The following SAMD12 variants were observed in gnomAD, a reference collection of about 807,000 sequenced individuals.
SAMD12 encodes sterile alpha motif domain-containing protein 12.
Under a neutral mutation model 15.0 loss-of-function variants are expected in SAMD12, and 9 were observed. The observed-to-expected ratio is 0.60, with a 90% confidence interval of 0.36 to 1.05. SAMD12 has a LOEUF of 1.05. Ranked by LOEUF, SAMD12 falls within the 50% of genes least tolerant of loss-of-function variation. The pLI, the probability that SAMD12 is intolerant of heterozygous loss-of-function variation, is 0.01. For synonymous variants in SAMD12, 86 were observed against 90.1 expected (o/e 0.96, Z 0.25); for missense variants, 230 against 234.2 (o/e 0.98, Z 0.12).
chr8:118,611,602 T>A (rs183011681), intron 1 of SAMD12, among the ~76,000 whole-genome samples: 1 of 152,278 alleles, frequency 6.6e-6, no homozygotes, highest in Non-Finnish European at 1.5e-5. Flanking sequence ...ACAAAGTACA[T>A]CTGTGGGAGC....
chr8:118,567,366 T>A (rs1826880462), intron 2 of SAMD12, among the ~76,000 whole-genome samples: 1 of 152,142 alleles, frequency 6.6e-6, no homozygotes, highest in African/African-American at 2.4e-5. Flanking sequence ...CATCCATGTG[T>A]TCTAGTTCTG....
chr8:118,174,290 C>T, the SAMD12 span, among the ~76,000 whole-genome samples: 1 of 152,174 alleles, frequency 6.6e-6, no homozygotes, highest in African/African-American at 2.4e-5. Flanking sequence ...TGAAGGCTCC[C>T]TGTTTTTGCA....
At chr8:118,583,585 C>A (rs1827349245) in intron 1 of SAMD12, among the ~76,000 whole-genome samples, 5 of 152,090 alleles carry the variant, frequency 3.3e-5, no homozygotes. Flanking sequence ...TCCCCTATCA[C>A]CTCCCCACCA....
chr8:118,189,193 T>C (rs1488630251), downstream of SAMD12, among the ~76,000 whole-genome samples: 3 of 152,126 alleles, frequency 2.0e-5, no homozygotes, highest in Non-Finnish European at 4.4e-5. Flanking sequence ...GCAATTATGC[T>C]GGTGGGATTT....
Position 118,502,045 on chromosome 8 carries a change from C to T in SAMD12, c.193-62084G>A, listed in dbSNP as rs1181216068. On this transcript the variant is annotated intron_variant, in intron 2 of 3. Coordinates refer to ENST00000314727, the MANE Select transcript of SAMD12 (RefSeq NM_207506.3). ...AAAAAAAAAAAAAAAAAAAAAGATG[C>T]AGATTCTGATTCAGCAGGGCTAGGG... is the stretch of plus-strand genomic sequence containing the variant. Among the ~76,000 whole-genome samples the T allele has an allele frequency of 4.0e-5, 6 of 148,926 alleles. No individual in the cohort carries two copies. The East Asian group carries it at 9.9e-4, about 25-fold the overall frequency.
At chr8:118,215,992 G>T (rs546099478) in intron 4 of SAMD12, among the ~76,000 whole-genome samples, 1 of 151,182 alleles carries the variant, frequency 6.6e-6, no homozygotes, top group Non-Finnish European at 1.5e-5. Context: ...TAATGGGATG[G>T]CTGGGTCAAA....
chr8:118,191,811 T>TATATATATGGAGAGAGAG (rs1563686658), exon 5 of SAMD12: 1 of 8,140 alleles, frequency 1.2e-4, no homozygotes, highest in Non-Finnish European at 3.0e-4. Context: ...TATATATATA[T>TATATATATGGAGAGAGAG]AGAGAGAGAG....
chr8:118,179,994 C>T, the SAMD12 span, among the ~76,000 whole-genome samples: 1 of 152,200 alleles, frequency 6.6e-6, no homozygotes. Context: ...CACTCAGCAT[C>T]AAAGTACATT....
At chr8:118,433,982 G>A (rs1234012796) in intron 3 of SAMD12, among the ~76,000 whole-genome samples, 1 of 152,132 alleles carries the variant, frequency 6.6e-6, no homozygotes, top group African/African-American at 2.4e-5. Context: ...GGTTTCTACA[G>A]GGAACTCTAA....
At chr8:118,432,492 G>C (rs936544244) in intron 3 of SAMD12, among the ~76,000 whole-genome samples, 4 of 152,186 alleles carry the variant, frequency 2.6e-5, no homozygotes, top group African/African-American at 9.7e-5. Flanking sequence ...TCTTTGGCAA[G>C]AGTTTCTAAC....
intron 4 of SAMD12, among the ~76,000 whole-genome samples, chr8:118,216,802 TTAAG>T (rs1462493602): frequency 6.6e-6 from 1 of 151,714 alleles, no homozygotes; most frequent in African/African-American, 2.4e-5. Flanking sequence ...TGGAAAACTC[TTAAG>T]TAATAAAGCT....
At chr8:118,192,624 A>G (rs1347093851) in exon 5 of SAMD12, 1 of 151,902 alleles carries the variant, frequency 6.6e-6, no homozygotes, top group East Asian at 1.9e-4. Context: ...CCAACCAACC[A>G]AACAAACAAA....
chr8:118,421,990 G>A (rs1822018252), intron 3 of SAMD12, among the ~76,000 whole-genome samples: 1 of 152,186 alleles, frequency 6.6e-6, no homozygotes. Context: ...CAGGAAGACC[G>A]ACTGGAACAT....
chr8:118,497,789 T>TA (rs1185342122), intron 2 of SAMD12, among the ~76,000 whole-genome samples: 4 of 150,380 alleles, frequency 2.7e-5, no homozygotes, highest in Non-Finnish European at 5.9e-5. Context: ...TTACTTTTTT[T>TA]AAAAAAGATG....
chr8:118,388,389 A>C (rs16890941), intron 3 of SAMD12, among the ~76,000 whole-genome samples: 4,094 of 152,256 alleles, frequency 0.027, 174 homozygotes, highest in African/African-American at 0.092. Context: ...TACATCTCTG[A>C]TTATTTCTGA....
intron 4 of SAMD12, chr8:118,288,433 C>T (rs1362565913): frequency 2.0e-5 from 3 of 152,150 alleles, no homozygotes; most frequent in Admixed American, 1.3e-4. Context: ...TTGCCTTACA[C>T]ACTCTTCCTC....
At chr8:118,548,464 T>A (rs1826202216) in intron 2 of SAMD12, among the ~76,000 whole-genome samples, 3 of 150,718 alleles carry the variant, frequency 2.0e-5, no homozygotes, top group Non-Finnish European at 4.4e-5. Flanking sequence ...CTTGGTTAAG[T>A]TATGGTGTCT....
chr8:118,464,484 A>C (rs1248676222), intron 2 of SAMD12, among the ~76,000 whole-genome samples: 1 of 152,218 alleles, frequency 6.6e-6, no homozygotes, highest in East Asian at 1.9e-4. Flanking sequence ...AGGTCAACTA[A>C]AGAGAGCTAT....
At chr8:118,377,214 T>C (rs1204518778), downstream of SAMD12, among the ~76,000 whole-genome samples, 6 of 151,882 alleles carry the variant, frequency 4.0e-5, no homozygotes, top group African/African-American at 1.2e-4. Flanking sequence ...CCGGCCAACA[T>C]AGAAAAACCT....
Sources: allele counts gnomAD v4.1 joint callset (sites outside exome capture counted in the v4.1 genomes callset), GRCh38; gene constraint gnomAD v4.1.1; transcripts MANE v1.5; gene names NCBI Gene and HGNC (gene_info 2026-07-23, HGNC 2026-07-21).